The following PAPLN variants were observed in gnomAD, a reference collection of about 807,000 sequenced individuals.
PAPLN encodes the protein papilin.
In PAPLN, 146 loss-of-function variants were observed where a neutral mutation model predicts 159.0. The ratio of observed to expected loss-of-function variants is 0.92; its 90% CI spans 0.80 to 1.05. The LOEUF is 1.05. Ranked by LOEUF, PAPLN falls within the 50% of genes least tolerant of loss-of-function variation. The pLI, the probability that PAPLN is intolerant of heterozygous loss-of-function variation, is 0.00. For synonymous variants in PAPLN, 734 were observed against 702.9 expected (o/e 1.04, Z -0.70); for missense variants, 1,720 against 1,743.9 (o/e 0.99, Z 0.24).
At chr14:73,244,551 G>A in intron 2 of PAPLN, 93 bp from the exon 3 acceptor site, 1 of 1,077,208 alleles carries the variant, frequency 9.3e-7, no homozygotes, top group Non-Finnish European at 1.4e-6. Context: ...TCCTTGATGG[G>A]TAGGGGAGGG....
intron 26 of PAPLN, among the ~76,000 whole-genome samples, chr14:73,270,142 C>T (rs1887579727): frequency 6.6e-6 from 1 of 152,208 alleles, no homozygotes; most frequent in African/African-American, 2.4e-5. Flanking sequence ...TTCGCCAGCC[C>T]GCCGCCTTGA....
chr14:73,261,246 A>T lies in PAPLN; in HGVS notation c.2197A>T (p.Thr733Ser), dbSNP rs1566698870. The change falls in exon 18 of 27, where the codon ACT (threonine) becomes TCT (serine). Residue 733 changes from threonine (T) to serine (S), a missense_variant. By Grantham distance (58) the Thr-to-Ser change is moderately conservative (BLOSUM62 1). Transcript: ENST00000644200. ...QFGCCYDNVATAAGPLGEGCV... is the reference protein window; with the variant it reads ...QFGCCYDNVASAAGPLGEGCV... ...TGGCTGTTGCTATGACAACGTGGCCACTGCAGCCGGTCCTCTTGGGGAAGG... is the reference window on the plus strand; with the variant it reads ...TGGCTGTTGCTATGACAACGTGGCCTCTGCAGCCGGTCCTCTTGGGGAAGG... 6.2e-7 allele frequency: 1 copy of T among 1,613,704 alleles called. No homozygotes were observed. Among genetic ancestry groups the T allele is most frequent in the Non-Finnish European group, 8.5e-7 (1 of 1,179,994 alleles).
At chr14:73,257,659 AAG>A (rs1173068128) in intron 14 of PAPLN, among the ~76,000 whole-genome samples, 1 of 152,110 alleles carries the variant, frequency 6.6e-6, no homozygotes, top group African/African-American at 2.4e-5. Context: ...AAAAAGTTGA[AAG>A]AAATGCATAG....
chr14:73,249,551 G>A (rs1351392778), intron 5 of PAPLN, among the ~76,000 whole-genome samples: 1 of 151,944 alleles, frequency 6.6e-6, no homozygotes, highest in Admixed American at 6.6e-5. Context: ...GCGCGTGCCT[G>A]TAGTCCCGGC....
At chr14:73,269,709 C>A (rs1433387905) in intron 26 of PAPLN, among the ~76,000 whole-genome samples, 1 of 152,206 alleles carries the variant, frequency 6.6e-6, no homozygotes, top group Non-Finnish European at 1.5e-5. Context: ...AGTGGTACCT[C>A]GGGCCAAGCT....
rs151321267 is a variant in PAPLN, at chr14:73,262,358, G to T, written c.2254G>T (p.Val752Leu). ...ACACCCATGCCCTGCAGCCTACCCC[G>T]TGCGGTGCCTGCTGCCCAGTGCCCA... ...CVGQPSHAYP[V>L]RCLLPSAHGS... The change falls in exon 19 of 27, where the codon GTG (valine) becomes TTG (leucine). Residue 752 changes from valine to leucine, a missense_variant. Coordinates refer to ENST00000644200, the MANE Select transcript of PAPLN (RefSeq NM_001365906.3). 1 of 1,611,412 alleles carries T rather than the reference G, an allele frequency of 6.2e-7. No individual in the cohort carries two copies. The highest frequency in any genetic ancestry group is 8.5e-7 in the Non-Finnish European group (1 of 1,178,414).
At chr14:73,261,004 T>TC in intron 17 of PAPLN, 152 bp from the exon 18 acceptor site, 18 of 1,426,928 alleles carry the variant, frequency 1.3e-5, no homozygotes, top group Non-Finnish European at 1.7e-5. Flanking sequence ...CTGGGGTGGA[T>TC]CAGGGGTTTC....
chr14:73,245,067 C>T lies in PAPLN; in HGVS notation c.170+308C>T, dbSNP rs1017812086. ...CTGGAACTGGTAAATAATCTTCAAC[C>T]GGCAGTTCCCAATTCCTGTGGTTTC... On this transcript the variant is annotated intron_variant, in intron 3 of 26. Coordinates refer to ENST00000644200, the MANE Select transcript of PAPLN (RefSeq NM_001365906.3). This position sits in a 1 kb window ranked among gnomAD's most constrained non-coding sequence, Gnocchi z 4.2. The T allele has an allele frequency of 2.3e-5, 6 of 258,822 alleles. No individual in the cohort carries two copies. The highest frequency in any genetic ancestry group is 4.9e-5 in the Admixed American group (1 of 20,498). The allele number at this position is 258,822 out of a possible 1,614,324, so 16.0% of individuals were successfully genotyped here.
chr14:73,268,325 A>C, intron 25 of PAPLN: 3 of 461,090 alleles, frequency 6.5e-6, no homozygotes, highest in South Asian at 8.1e-5. Flanking sequence ...AGCAGAAAAC[A>C]ACCTCGCCAT....
At chr14:73,269,977 T>A (rs968595470) in intron 26 of PAPLN, among the ~76,000 whole-genome samples, 1 of 152,334 alleles carries the variant, frequency 6.6e-6, no homozygotes, top group Non-Finnish European at 1.5e-5. Flanking sequence ...CGGCTTCCTG[T>A]CTATGATCTC....
rs775698088 is a variant in PAPLN at position 73,268,669 on chromosome 14, T to C, written c.3613T>C (p.Tyr1205His). 6.2e-7 allele frequency: 1 copy of C among 1,613,782 alleles called. No homozygotes were observed. The highest frequency in any genetic ancestry group is 1.7e-5 in the Admixed American group (1 of 60,014). ...TGAGGGCTCCTACACGTGCAGTGCC[T>C]ACCAGGGGAGCCAGGCAGTCAGCCG... ...RDEGSYTCSAYQGSQAVSRST... is the reference protein window; with the variant it reads ...RDEGSYTCSAHQGSQAVSRST... The change falls in exon 26 of 27, where the codon TAC becomes CAC. Residue 1205 changes from tyrosine (Y) to histidine (H), a missense_variant. By Grantham distance (83) the Tyr-to-His change is moderately conservative. Transcript: ENST00000644200.
chr14:73,250,887 T>G lies in PAPLN; in HGVS notation c.466-20T>G. The G allele has an allele frequency of 6.2e-7, 1 of 1,601,116 alleles. No homozygotes were observed. The highest frequency in any genetic ancestry group is 8.5e-7 in the Non-Finnish European group (1 of 1,173,748). On this transcript the variant is annotated intron_variant, in intron 6 of 26. Transcript: ENST00000644200. ...TGGCCATGATGCCGTCTCCCCTGCC[T>G]CCCGCATCTCTGCCCACAGGTTGTC...
At chr14:73,262,092 C>G (rs1213441095) in intron 18 of PAPLN, 3 of 441,196 alleles carry the variant, frequency 6.8e-6, no homozygotes, top group Non-Finnish European at 1.2e-5. Flanking sequence ...CCCAGGGAGC[C>G]CTGGCCCTGA....
chr14:73,256,523 ACT>A (rs1328844951), intron 14 of PAPLN, among the ~76,000 whole-genome samples: 3 of 114,724 alleles, frequency 2.6e-5, no homozygotes, highest in African/African-American at 7.6e-5. Flanking sequence ...CAAGAGTGAG[ACT>A]CTGTCTCAAA....
chr14:73,270,388 G>C (rs962348496), intron 26 of PAPLN, among the ~76,000 whole-genome samples: 2 of 152,196 alleles, frequency 1.3e-5, no homozygotes, highest in African/African-American at 4.8e-5. Flanking sequence ...AAATGTTCCC[G>C]CCGCTCGCAG....
At chr14:73,239,674 C>T in intron 1 of PAPLN, 99 bp from the exon 2 acceptor site, 2 of 1,509,672 alleles carry the variant, frequency 1.3e-6, no homozygotes, top group Non-Finnish European at 1.8e-6. Flanking sequence ...CTCCTGGTCA[C>T]CTGTGGGCCA....
intron 5 of PAPLN, among the ~76,000 whole-genome samples, chr14:73,247,546 G>C (rs1339056575): frequency 6.7e-6 from 1 of 150,362 alleles, no homozygotes. Flanking sequence ...TGTGGGGATC[G>C]TGGCTGTGGG....
chr14:73,238,204 G>A (rs1883178691), intron 1 of PAPLN, among the ~76,000 whole-genome samples: 1 of 152,230 alleles, frequency 6.6e-6, no homozygotes, highest in Non-Finnish European at 1.5e-5. Context: ...AGGCTTGGTC[G>A]GCGGCCACCC....
At chr14:73,263,019 G>A (rs1239310026) in intron 19 of PAPLN, 192 bp downstream of exon 19, 1 of 483,146 alleles carries the variant, frequency 2.1e-6, no homozygotes, top group African/African-American at 2.0e-5. Flanking sequence ...GAGACTTGAG[G>A]CTACTCTGAT....
Sources: allele counts gnomAD v4.1 joint callset (sites outside exome capture counted in the v4.1 genomes callset), GRCh38; gene constraint gnomAD v4.1.1; non-coding constraint Gnocchi (gnomAD v3.1); transcripts MANE v1.5; gene names NCBI Gene and HGNC (gene_info 2026-07-23, HGNC 2026-07-21).